The following KCNT2 variants were observed in gnomAD, a reference collection of about 807,000 sequenced individuals.
KCNT2 encodes potassium channel subfamily T member 2.
In KCNT2, 67 loss-of-function variants were observed where a neutral mutation model predicts 153.8. The ratio of observed to expected loss-of-function variants is 0.44; its 90% CI spans 0.36 to 0.53. KCNT2 has a LOEUF of 0.53. KCNT2 is among the 20% of genes least tolerant of loss of function. The pLI is 0.00. For missense variants in KCNT2, 975 were observed against 1,354.8 expected, an observed-to-expected ratio of 0.72 and a Z score of 4.40; for synonymous variants, 500 against 458.8, an observed-to-expected ratio of 1.09 and a Z score of -1.15.
At chr1:196,558,710 C>T (rs1040609222) in intron 1 of KCNT2, among the ~76,000 whole-genome samples, 21 of 151,426 alleles carry the variant, frequency 1.4e-4, no homozygotes, top group African/African-American at 5.1e-4. Context: ...TGAAGGGATT[C>T]TATTTATTAC....
chr1:196,451,718 T>G (rs574078835), intron 8 of KCNT2, among the ~76,000 whole-genome samples: 20 of 151,950 alleles, frequency 1.3e-4, no homozygotes, highest in Middle Eastern at 6.8e-3. Context: ...ATAGAAAAAT[T>G]TAGTTCCTTC....
At chr1:196,555,009 T>C (rs1658456357) in intron 1 of KCNT2, among the ~76,000 whole-genome samples, 1 of 151,270 alleles carries the variant, frequency 6.6e-6, no homozygotes, top group African/African-American at 2.4e-5. Flanking sequence ...AAGCTATATA[T>C]GGCAGACTCA....
chr1:196,421,092 A>C (rs1320860974), intron 12 of KCNT2, among the ~76,000 whole-genome samples: 4 of 152,024 alleles, frequency 2.6e-5, no homozygotes, highest in Admixed American at 2.0e-4. Flanking sequence ...TCTCAACTTA[A>C]ATTTTAACTT....
chr1:196,252,619 A>G (rs1227447439), intron 26 of KCNT2, among the ~76,000 whole-genome samples: 1 of 151,664 alleles, frequency 6.6e-6, no homozygotes, highest in East Asian at 1.9e-4. Context: ...CTTGCTTTCA[A>G]CAGTAAATTA....
intron 21 of KCNT2, 63 bp from the exon 22 acceptor site, chr1:196,305,408 A>G (rs2147979053): frequency 2.2e-6 from 2 of 890,556 alleles, no homozygotes; most frequent in South Asian, 1.4e-5. Flanking sequence ...TTATAACAAC[A>G]TATTTATGAG....
At chr1:196,475,373 G>A (rs572182468) in intron 5 of KCNT2, among the ~76,000 whole-genome samples, 5 of 152,064 alleles carry the variant, frequency 3.3e-5, no homozygotes, top group East Asian at 1.9e-4. Flanking sequence ...CCAGCACTTC[G>A]GGAGGCTGAG....
intron 1 of KCNT2, among the ~76,000 whole-genome samples, chr1:196,553,010 A>G (rs547830056): frequency 6.6e-6 from 1 of 151,386 alleles, no homozygotes; most frequent in Admixed American, 6.6e-5. Flanking sequence ...GAAGAAAGAA[A>G]AGAACACAAA....
At chr1:196,432,813 T>C (rs189586284) in intron 8 of KCNT2, among the ~76,000 whole-genome samples, 2 of 152,208 alleles carry the variant, frequency 1.3e-5, no homozygotes, top group East Asian at 3.9e-4. Context: ...GACTTAGAGT[T>C]GGTGTTGGAA....
At chr1:196,270,238 A>G (rs2477354) in intron 25 of KCNT2, among the ~76,000 whole-genome samples, 111,915 of 151,756 alleles carry the variant, frequency 0.74, 43,333 homozygotes, top group East Asian at 0.95. Flanking sequence ...TTTGGTAGGG[A>G]TTATAGTGGC....
rs749099789 is a variant in KCNT2, at chr1:196,429,650, G to A, written c.746C>T (p.Thr249Ile). ...TFSTVGFGDV[T>I]PETWSSKLFV... ...AAGCTTGGAGGACCATGTTTCAGGA[G>A]TGACATCCCCGAAGCCCACAGTAGA... Residue 249 changes from threonine to isoleucine, a missense_variant, in exon 9 of 28, where the codon ACT becomes ATT. Thr to Ile is a moderately conservative substitution (Grantham distance 89). Coordinates refer to ENST00000294725, the MANE Select transcript of KCNT2 (RefSeq NM_198503.5). 7.4e-6 allele frequency: 12 copies of A among 1,612,888 alleles called. No homozygotes were observed. Among genetic ancestry groups the A allele is most frequent in the Admixed American group, 3.3e-5 (2 of 59,920 alleles).
At chr1:196,366,059 C>T (rs902723751) in intron 14 of KCNT2, among the ~76,000 whole-genome samples, 3 of 152,136 alleles carry the variant, frequency 2.0e-5, no homozygotes, top group African/African-American at 7.2e-5. Flanking sequence ...GCTACATGAC[C>T]TGGCCCATTG....
intron 1 of KCNT2, among the ~76,000 whole-genome samples, chr1:196,555,462 A>G (rs1243294162): frequency 6.6e-6 from 1 of 151,294 alleles, no homozygotes; most frequent in Non-Finnish European, 1.5e-5. Flanking sequence ...AAAGATGTCT[A>G]TAATAAAAAC....
intron 14 of KCNT2, among the ~76,000 whole-genome samples, chr1:196,369,328 T>C (rs1046475938): frequency 2.0e-5 from 3 of 152,060 alleles, no homozygotes; most frequent in Non-Finnish European, 2.9e-5. Context: ...TTTATTTTTG[T>C]TTTTTTATTA....
intron 21 of KCNT2, among the ~76,000 whole-genome samples, chr1:196,305,941 T>C (rs1053084683): frequency 6.6e-6 from 1 of 152,150 alleles, no homozygotes; most frequent in Non-Finnish European, 1.5e-5. Flanking sequence ...ACAGGTCCCA[T>C]GGCTTCATAT....
intron 25 of KCNT2, among the ~76,000 whole-genome samples, chr1:196,264,910 C>T (rs534842214): frequency 2.0e-5 from 3 of 152,102 alleles, no homozygotes; most frequent in Non-Finnish European, 4.4e-5. Flanking sequence ...GGATTACAGG[C>T]GTGAGCCACC....
chr1:196,392,626 A>G (rs1670589243), intron 13 of KCNT2, among the ~76,000 whole-genome samples: 1 of 151,336 alleles, frequency 6.6e-6, no homozygotes. Context: ...ATTGCTTGGA[A>G]ATATTTTCCC....
chr1:196,411,464 A>AAAG (rs1553317326), intron 12 of KCNT2, among the ~76,000 whole-genome samples: 5 of 150,112 alleles, frequency 3.3e-5, no homozygotes, highest in African/African-American at 1.2e-4. Flanking sequence ...AAAAAAAAAA[A>AAAG]AAAAACGGCC....
intron 20 of KCNT2, among the ~76,000 whole-genome samples, chr1:196,318,608 A>G (rs943628031): frequency 6.6e-6 from 1 of 151,834 alleles, no homozygotes; most frequent in African/African-American, 2.4e-5. Context: ...TAGAATTTAA[A>G]TAGTAATTTT....
chr1:196,269,659 T>C (rs1037269982), intron 25 of KCNT2, among the ~76,000 whole-genome samples: 12 of 151,822 alleles, frequency 7.9e-5, no homozygotes, highest in South Asian at 2.1e-4. Context: ...AGCCTTTTTT[T>C]CCCCTGTAAT....
Sources: allele counts gnomAD v4.1 joint callset (sites outside exome capture counted in the v4.1 genomes callset), GRCh38; gene constraint gnomAD v4.1.1; transcripts MANE v1.5; gene names NCBI Gene and HGNC (gene_info 2026-07-23, HGNC 2026-07-21).